Variants in REC114 observed in about 807,000 individuals in gnomAD.
REC114 encodes REC114 meiotic recombination protein.
A neutral mutation model predicts 31.3 loss-of-function variants in REC114; 27 were observed. That is an observed-to-expected ratio of 0.86 (90% CI 0.64 to 1.19). The LOEUF is 1.19. Among genes scored for constraint, REC114 ranks in the 50% most tolerant of loss-of-function variants. The probability of loss-of-function intolerance (pLI) is 0.00; values close to 1 mark genes in which losing one functional copy is unlikely to be tolerated. For synonymous variants in REC114, 134 were observed against 127.7 expected, an observed-to-expected ratio of 1.05 and a Z score of -0.33; for missense variants, 344 against 326.9, an observed-to-expected ratio of 1.05 and a Z score of -0.40.
At position 73,498,455 on chromosome 15, in the gene REC114, ATAG is replaced by A. The variant is rs370298170; in HGVS notation, c.249+24538_249+24540del. ...TCCTGTCACAACAATTGGGCAAAAA[ATAG>A]TAGACTAAACTGCTAAGTAGGTCGA... On this transcript the variant is annotated intron_variant, in intron 2 of 5. Transcript: ENST00000331090. 4.6e-4 allele frequency among the ~76,000 whole-genome samples: 70 copies of A among 152,264 alleles called. 1 individual carries two copies. The East Asian group carries it at 0.013, about 29-fold the overall frequency.
At chr15:73,524,402 AAATG>A (rs1209443076) in intron 2 of REC114, among the ~76,000 whole-genome samples, 1 of 152,214 alleles carries the variant, frequency 6.6e-6, no homozygotes, top group Non-Finnish European at 1.5e-5. Flanking sequence ...TGCAAGGAGA[AAATG>A]AATCTTGTTC....
chr15:73,482,320 G>A (rs1025995043), intron 2 of REC114, among the ~76,000 whole-genome samples: 8 of 152,146 alleles, frequency 5.3e-5, no homozygotes, highest in African/African-American at 1.9e-4. Context: ...CTTGCTCTGA[G>A]TTCATGCAAG....
chr15:73,444,062 G>A (rs572952121), intron 1 of REC114, among the ~76,000 whole-genome samples: 1 of 152,110 alleles, frequency 6.6e-6, no homozygotes, highest in South Asian at 2.1e-4. Flanking sequence ...ACCTTGATTC[G>A]AGAATACTTT....
intron 1 of REC114, 87 bp downstream of exon 1, chr15:73,443,431 A>G (rs943033859): frequency 5.0e-6 from 7 of 1,410,982 alleles, no homozygotes; most frequent in Non-Finnish European, 5.6e-6. Flanking sequence ...AGTGCCCCGA[A>G]AGCAATGCCG....
At chr15:73,452,886 G>T (rs1348582525) in intron 1 of REC114, among the ~76,000 whole-genome samples, 2 of 152,158 alleles carry the variant, frequency 1.3e-5, no homozygotes, top group African/African-American at 2.4e-5. Context: ...ATGGGAAAAG[G>T]ATTCCCTATT....
chr15:73,540,476 T>G lies in REC114; in HGVS notation c.250-9T>G. 1 of 1,611,810 alleles carries G rather than the reference T, an allele frequency of 6.2e-7. No homozygotes were observed. Among genetic ancestry groups the G allele is most frequent in the Non-Finnish European group, 8.5e-7 (1 of 1,177,918 alleles). On this transcript the variant is annotated splice_polypyrimidine_tract_variant and intron_variant, in intron 2 of 5. Coordinates refer to ENST00000331090, the MANE Select transcript of REC114 (RefSeq NM_001042367.2). ...TTCTGTTGCTAATTTTTGCCTAATTTTGTTTCAGGAAGGGTTTTCACTCAT... is the reference window on the plus strand; with the variant it reads ...TTCTGTTGCTAATTTTTGCCTAATTGTGTTTCAGGAAGGGTTTTCACTCAT...
chr15:73,555,883 A>G (rs1001490768), intron 4 of REC114, among the ~76,000 whole-genome samples: 1 of 152,162 alleles, frequency 6.6e-6, no homozygotes, highest in Non-Finnish European at 1.5e-5. Context: ...GTATTACTTG[A>G]GCAATAATTT....
chr15:73,510,965 G>T (rs1371231638), intron 2 of REC114, among the ~76,000 whole-genome samples: 2 of 152,198 alleles, frequency 1.3e-5, no homozygotes, highest in Non-Finnish European at 2.9e-5. Context: ...CATAAAATGA[G>T]TTAGGGAGGA....
intron 1 of REC114, among the ~76,000 whole-genome samples, chr15:73,448,834 G>T (rs1431380240): frequency 1.3e-5 from 2 of 152,154 alleles, no homozygotes; most frequent in African/African-American, 4.8e-5. Flanking sequence ...AGCCTCCGCT[G>T]GTGATACCCA....
chr15:73,546,012 C>G (rs1894303574), intron 3 of REC114, among the ~76,000 whole-genome samples: 1 of 152,106 alleles, frequency 6.6e-6, no homozygotes, highest in African/African-American at 2.4e-5. Context: ...CAGTTCTTTT[C>G]CCTTCCTCAG....
intron 2 of REC114, among the ~76,000 whole-genome samples, chr15:73,513,890 G>A (rs1327288081): frequency 6.6e-6 from 1 of 151,950 alleles, no homozygotes; most frequent in African/African-American, 2.4e-5. Flanking sequence ...GGTTACTGCT[G>A]TCTTTTTGTT....
intron 3 of REC114, among the ~76,000 whole-genome samples, chr15:73,541,357 A>G (rs1894235113): frequency 6.6e-6 from 1 of 152,186 alleles, no homozygotes; most frequent in African/African-American, 2.4e-5. Flanking sequence ...ATCACATTTC[A>G]GTTGTTTCTG....
Position 73,443,382 on chromosome 15 carries a change from C to T in REC114, c.159+38C>T, listed in dbSNP as rs199927784. ...GGCAGGAATATCCCTGAGGTGCCCA[C>T]AGCCCTCAGGAGGGGAGGCTCCGCG... On this transcript the variant is annotated intron_variant, in intron 1 of 5. Coordinates refer to ENST00000331090, the MANE Select transcript of REC114 (RefSeq NM_001042367.2). 1.8e-5 allele frequency: 27 copies of T among 1,537,648 alleles called. No individual in the cohort carries two copies. The Admixed American group carries it at 5.2e-4, about 30-fold the overall frequency.
intron 2 of REC114, among the ~76,000 whole-genome samples, chr15:73,479,114 T>C (rs1893257410): frequency 6.6e-6 from 1 of 151,854 alleles, no homozygotes; most frequent in African/African-American, 2.4e-5. Context: ...ATGGTGAGAG[T>C]TGATGTCCTT....
At chr15:73,551,437 A>G (rs566759956) in intron 4 of REC114, among the ~76,000 whole-genome samples, 2 of 152,230 alleles carry the variant, frequency 1.3e-5, no homozygotes, top group East Asian at 1.9e-4. Context: ...CACAAGGTCA[A>G]AATTATTTTT....
At chr15:73,477,117 T>C (rs1250735741) in intron 2 of REC114, among the ~76,000 whole-genome samples, 1 of 152,192 alleles carries the variant, frequency 6.6e-6, no homozygotes, top group Non-Finnish European at 1.5e-5. Context: ...TGACTAATAC[T>C]GTTGAGCATC....
intron 2 of REC114, among the ~76,000 whole-genome samples, chr15:73,510,925 C>T (rs1893755643): frequency 6.6e-6 from 1 of 152,024 alleles, no homozygotes; most frequent in South Asian, 2.1e-4. Flanking sequence ...GTGTCTCTGC[C>T]CGGCTTTGGT....
chr15:73,469,303 G>T (rs1893102438), intron 1 of REC114, among the ~76,000 whole-genome samples: 1 of 152,078 alleles, frequency 6.6e-6, no homozygotes, highest in Admixed American at 6.5e-5. Context: ...ATACATGTTT[G>T]GGATGATTAT....
chr15:73,532,231 G>A (rs902692208), intron 2 of REC114, among the ~76,000 whole-genome samples: 5 of 150,614 alleles, frequency 3.3e-5, no homozygotes, highest in Admixed American at 1.3e-4. Context: ...GAGAATATGC[G>A]GTGTTTGGTT....
Sources: allele counts gnomAD v4.1 joint callset (sites outside exome capture counted in the v4.1 genomes callset), GRCh38; gene constraint gnomAD v4.1.1; transcripts MANE v1.5; gene names NCBI Gene and HGNC (gene_info 2026-07-23, HGNC 2026-07-21).